Variants in CSMD1 observed in about 807,000 individuals in gnomAD.
CSMD1 encodes the protein CUB and sushi domain-containing protein 1.
A neutral mutation model predicts 417.5 loss-of-function variants in CSMD1; 213 were observed. The ratio of observed to expected loss-of-function variants is 0.51; its 90% CI spans 0.46 to 0.57. CSMD1 has a LOEUF of 0.57. Among genes scored for constraint, CSMD1 ranks in the 20% least tolerant of loss-of-function variants. CSMD1 has a pLI of 0.00. For synonymous variants in CSMD1, 2,862 were observed against 1,736.8 expected (o/e 1.65, Z -16.11); for missense variants, 6,923 against 4,529.7 (o/e 1.53, Z -15.17).
intron 7 of CSMD1, among the ~76,000 whole-genome samples, chr8:3,688,767 C>A (rs559166534): frequency 3.3e-5 from 5 of 151,870 alleles, no homozygotes; most frequent in Non-Finnish European, 5.9e-5. Flanking sequence ...TAGCATAATA[C>A]GGATTCTGAC....
In CSMD1 at chr8:4,051,808, G is replaced by C. The variant is rs79390930; in HGVS notation, c.416-19709C>G. ...GGTGTGATGGACACCATACAATACT[G>C]ACAGTTTTCTTCTCTTTCTTCTCTT... On this transcript the variant is annotated intron_variant, in intron 3 of 69. Transcript: ENST00000635120. Among the ~76,000 whole-genome samples, 18 of 152,182 alleles carry C rather than the reference G, an allele frequency of 1.2e-4. No homozygotes were observed. In the East Asian group the frequency reaches 2.5e-3, roughly 21 times the overall value.
At chr8:3,549,748 C>T (rs1051281028) in intron 10 of CSMD1, among the ~76,000 whole-genome samples, 2 of 152,094 alleles carry the variant, frequency 1.3e-5, no homozygotes, top group African/African-American at 4.8e-5. Context: ...AGGCGATCCC[C>T]AGATACAGTT....
Position 4,929,296 on chromosome 8 carries a change from C to T in CSMD1, c.85+65036G>A, listed in dbSNP as rs991302902. 6.6e-5 allele frequency among the ~76,000 whole-genome samples: 10 copies of T among 152,228 alleles called. No individual in the cohort carries two copies. The East Asian group carries it at 7.8e-4, about 12-fold the overall frequency. On this transcript the variant is annotated intron_variant, in intron 1 of 69. Coordinates refer to ENST00000635120, the MANE Select transcript of CSMD1 (RefSeq NM_033225.6). ...CCGTCGTTGTGGACTTCCAGCCTCC[C>T]GAACCATGGGCAACACATTTCTACT...
chr8:4,439,691 G>T (rs1798352237), intron 2 of CSMD1, among the ~76,000 whole-genome samples: 1 of 152,088 alleles, frequency 6.6e-6, no homozygotes, highest in Admixed American at 6.6e-5. Context: ...GCTTATTAAA[G>T]GCAGGGTTTA....
At chr8:3,254,533 T>G (rs113165522) in intron 26 of CSMD1, among the ~76,000 whole-genome samples, 1 of 152,218 alleles carries the variant, frequency 6.6e-6, no homozygotes, top group African/African-American at 2.4e-5. Flanking sequence ...AGATTTGGTC[T>G]TTTCACATAG....
chr8:4,316,131 AAAACCT>A (rs1798914218), intron 3 of CSMD1, among the ~76,000 whole-genome samples: 1 of 152,120 alleles, frequency 6.6e-6, no homozygotes, highest in African/African-American at 2.4e-5. Flanking sequence ...TAACCATTCA[AAAACCT>A]TCAACAATCC....
intron 10 of CSMD1, among the ~76,000 whole-genome samples, chr8:3,562,455 C>CA (rs1165914143): frequency 9.9e-5 from 5 of 50,530 alleles, no homozygotes; most frequent in Non-Finnish European, 2.3e-4. Context: ...CACATACTCA[C>CA]AGCATATATA....
chr8:3,865,296 T>G (rs1050940839), intron 5 of CSMD1, among the ~76,000 whole-genome samples: 2 of 152,160 alleles, frequency 1.3e-5, no homozygotes, highest in African/African-American at 4.8e-5. Flanking sequence ...GAGCGGTACT[T>G]CAATGTGACA....
chr8:3,091,806 T>G (rs1814968967), intron 47 of CSMD1, 144 bp from the exon 48 acceptor site: 2 of 623,504 alleles, frequency 3.2e-6, no homozygotes, highest in Non-Finnish European at 5.1e-6. Context: ...AAATTCCAAA[T>G]GGCTATAGTG....
intron 5 of CSMD1, among the ~76,000 whole-genome samples, chr8:3,842,988 C>T (rs1005585953): frequency 6.6e-6 from 1 of 152,064 alleles, no homozygotes; most frequent in Non-Finnish European, 1.5e-5. Context: ...TTAGTTTGCT[C>T]AGTTTGATTT....
intron 1 of CSMD1, among the ~76,000 whole-genome samples, chr8:4,692,878 G>A (rs1326178269): frequency 6.6e-6 from 1 of 152,138 alleles, no homozygotes; most frequent in East Asian, 1.9e-4. Context: ...AAGACTCTAT[G>A]GTATTCTTCT....
At chr8:4,334,135 G>T (rs555395396) in intron 3 of CSMD1, among the ~76,000 whole-genome samples, 3 of 152,160 alleles carry the variant, frequency 2.0e-5, no homozygotes, top group South Asian at 4.1e-4. Context: ...TCAAACTCCC[G>T]AACTCAAGAT....
intron 5 of CSMD1, among the ~76,000 whole-genome samples, chr8:3,815,707 C>G (rs1244933724): frequency 6.6e-6 from 1 of 150,726 alleles, no homozygotes; most frequent in African/African-American, 2.4e-5. Context: ...TTTTCATACT[C>G]TGAATTCTTT....
rs1266118386 is a variant in CSMD1 at position 3,933,059 on chromosome 8, TATCTC to T, written c.818+64839_818+64843del. Among the ~76,000 whole-genome samples the T allele has an allele frequency of 2.3e-5, 2 of 86,610 alleles. 1 individual carries two copies. The highest frequency in any genetic ancestry group is 4.7e-5 in the Non-Finnish European group (2 of 42,582). 56.8% of individuals were successfully genotyped at this position (86,610 alleles called of 152,430 possible). A position where few individuals can be genotyped will look rare whatever the true frequency, so the allele number is the denominator to read the frequency against. ...AAAAAAAAAACTGCTTGTGGCAAATTATCTCATTAAAAAAAAACAAAAGAAACAAC... is the reference window on the plus strand; with the variant it reads ...AAAAAAAAAACTGCTTGTGGCAAATTATTAAAAAAAAACAAAAGAAACAAC... On this transcript the variant is annotated intron_variant, in intron 5 of 69. Coordinates refer to ENST00000635120, the MANE Select transcript of CSMD1 (RefSeq NM_033225.6).
intron 12 of CSMD1, among the ~76,000 whole-genome samples, chr8:3,462,752 T>C (rs1230583867): frequency 6.6e-6 from 1 of 152,162 alleles, no homozygotes; most frequent in East Asian, 1.9e-4. Context: ...ATGGAAAAAC[T>C]GTCTACCTTA....
intron 26 of CSMD1, among the ~76,000 whole-genome samples, chr8:3,263,041 T>A (rs951896643): frequency 6.6e-6 from 1 of 152,208 alleles, no homozygotes; most frequent in Non-Finnish European, 1.5e-5. Flanking sequence ...TTCTCATTTT[T>A]GAATTCATAT....
At chr8:3,857,805 C>T (rs926054535) in intron 5 of CSMD1, among the ~76,000 whole-genome samples, 15 of 152,138 alleles carry the variant, frequency 9.9e-5, no homozygotes, top group Admixed American at 9.2e-4. Flanking sequence ...CAACACCAGG[C>T]CAGAGTAGAA....
chr8:4,506,392 GGAGA>G, intron 2 of CSMD1, among the ~76,000 whole-genome samples: 1 of 152,136 alleles, frequency 6.6e-6, no homozygotes, highest in African/African-American at 2.4e-5. Flanking sequence ...AGTGCAAAGG[GGAGA>G]GAGAGAAAGT....
intron 3 of CSMD1, among the ~76,000 whole-genome samples, chr8:4,397,058 C>T (rs1247757531): frequency 1.3e-5 from 2 of 151,944 alleles, no homozygotes; most frequent in African/African-American, 2.4e-5. Flanking sequence ...AAATTATTAC[C>T]CTTCTCAAAT....
Sources: gnomAD v4.1 joint callset for allele counts (sites outside exome capture counted in the v4.1 genomes callset) on GRCh38, gnomAD v4.1.1 for gene constraint, MANE v1.5 for transcripts, NCBI Gene and HGNC (gene_info 2026-07-23, HGNC 2026-07-21) for gene names.